Variants in LDLRAD3 observed in about 807,000 individuals in gnomAD.
LDLRAD3 encodes low-density lipoprotein receptor class A domain-containing protein 3.
Under a neutral mutation model 29.4 loss-of-function variants are expected in LDLRAD3, and 20 were observed. That is an observed-to-expected ratio of 0.68 (90% CI 0.48 to 0.99). The LOEUF (loss-of-function observed/expected upper bound fraction) is 0.99. Among genes scored for constraint, LDLRAD3 ranks in the 50% least tolerant of loss-of-function variants. The pLI is 0.00. For missense variants in LDLRAD3, 420 were observed against 454.3 expected, an observed-to-expected ratio of 0.92 and a Z score of 0.69; for synonymous variants, 157 against 192.7, an observed-to-expected ratio of 0.81 and a Z score of 1.53.
chr11:36,117,809 T>C (rs1257936018), intron 4 of LDLRAD3, among the ~76,000 whole-genome samples: 1 of 152,202 alleles, frequency 6.6e-6, no homozygotes, highest in East Asian at 1.9e-4. Flanking sequence ...GCTCCTAATA[T>C]GGTGGTAAAA....
At chr11:36,044,342 A>G (rs1202261233) in intron 2 of LDLRAD3, among the ~76,000 whole-genome samples, 2 of 152,152 alleles carry the variant, frequency 1.3e-5, no homozygotes, top group Non-Finnish European at 2.9e-5. Context: ...AGAGAAGGTG[A>G]AGATCAGCTC....
chr11:36,229,447 C>A lies in LDLRAD3; in HGVS notation c.*50C>A. 1 of 1,329,200 alleles carries A rather than the reference C, an allele frequency of 7.5e-7. No individual in the cohort carries two copies. The allele number at this position is 1,329,200 out of a possible 1,614,324, so 82.3% of individuals were successfully genotyped here. ...TGGGTTAATCTGCTCTGACTTGTTG[C>A]CATTCTAACAATTTGTGCTCATGGG... On this transcript the variant is annotated 3_prime_UTR_variant, in exon 6 of 6. Transcript: ENST00000315571.
intron 1 of LDLRAD3, among the ~76,000 whole-genome samples, chr11:35,953,959 A>G (rs990574533): frequency 2.0e-5 from 3 of 152,246 alleles, no homozygotes; most frequent in African/African-American, 7.2e-5. Context: ...GATGCTTACT[A>G]CTGTAAAAGA....
intron 1 of LDLRAD3, among the ~76,000 whole-genome samples, chr11:35,999,411 C>T (rs991168662): frequency 6.6e-6 from 1 of 152,154 alleles, no homozygotes; most frequent in Non-Finnish European, 1.5e-5. Context: ...GGAGAAACGG[C>T]GTTTAAAGCA....
intron 3 of LDLRAD3, among the ~76,000 whole-genome samples, chr11:36,091,565 C>A (rs897566326): frequency 6.6e-6 from 1 of 150,872 alleles, no homozygotes; most frequent in Non-Finnish European, 1.5e-5. Context: ...AGCTTTAGAA[C>A]CCTGTGTTTT....
intron 4 of LDLRAD3, among the ~76,000 whole-genome samples, chr11:36,204,734 C>T (rs907174891): frequency 6.6e-6 from 1 of 152,220 alleles, no homozygotes; most frequent in Non-Finnish European, 1.5e-5. Flanking sequence ...GGTAATCCAC[C>T]TGCCTCGGCT....
intron 4 of LDLRAD3, among the ~76,000 whole-genome samples, chr11:36,150,215 T>C (rs1854258126): frequency 6.6e-6 from 1 of 152,134 alleles, no homozygotes; most frequent in South Asian, 2.1e-4. Context: ...AAATGAGGCA[T>C]GAATATTACT....
At chr11:35,984,010 T>C (rs534050213) in intron 1 of LDLRAD3, among the ~76,000 whole-genome samples, 2 of 152,292 alleles carry the variant, frequency 1.3e-5, no homozygotes, top group African/African-American at 4.8e-5. Flanking sequence ...TTGCTAATGA[T>C]GAAGGATTTT....
chr11:36,022,409 C>T (rs1204298727), intron 1 of LDLRAD3, among the ~76,000 whole-genome samples: 2 of 151,898 alleles, frequency 1.3e-5, no homozygotes, highest in Non-Finnish European at 2.9e-5. Flanking sequence ...AATTCAGAAG[C>T]TTCTACTGAA....
chr11:36,148,497 G>A lies in LDLRAD3; in HGVS notation c.454+50036G>A, dbSNP rs141680756. 7.0e-4 allele frequency among the ~76,000 whole-genome samples: 107 copies of A among 152,240 alleles called. 1 individual carries two copies. The South Asian group carries it at 7.9e-3, about 11-fold the overall frequency. ...GATTTTTCTCTCACTGCCTGCTTTT[G>A]GAAAAATCTTCTGACAGTTATATTT... On this transcript the variant is annotated intron_variant, in intron 4 of 5. Coordinates refer to ENST00000315571, the MANE Select transcript of LDLRAD3 (RefSeq NM_174902.4).
chr11:35,982,893 G>T (rs958473655), intron 1 of LDLRAD3, among the ~76,000 whole-genome samples: 1 of 127,106 alleles, frequency 7.9e-6, no homozygotes, highest in Non-Finnish European at 1.5e-5. Context: ...TTGCTCTGTC[G>T]TCCAAGCTGC....
intron 4 of LDLRAD3, among the ~76,000 whole-genome samples, chr11:36,104,752 G>A (rs535199112): frequency 1.3e-5 from 2 of 152,278 alleles, no homozygotes; most frequent in East Asian, 3.9e-4. Context: ...CGCACAGGGA[G>A]CAGGTGGTGG....
chr11:36,089,542 C>G (rs1348144513), intron 3 of LDLRAD3, among the ~76,000 whole-genome samples: 1 of 151,940 alleles, frequency 6.6e-6, no homozygotes, highest in African/African-American at 2.4e-5. Context: ...ATTTTCCTGT[C>G]TCAGACTCCC....
At chr11:35,946,328 GA>G (rs1359554711) in intron 1 of LDLRAD3, among the ~76,000 whole-genome samples, 1 of 151,918 alleles carries the variant, frequency 6.6e-6, no homozygotes, top group Non-Finnish European at 1.5e-5. Context: ...GATAGTCTGT[GA>G]AAGAATCCCA....
At chr11:36,002,742 C>G (rs1851839899) in intron 1 of LDLRAD3, among the ~76,000 whole-genome samples, 3 of 152,170 alleles carry the variant, frequency 2.0e-5, no homozygotes. Context: ...ATGATTTTAG[C>G]CTGGCTTGCT....
intron 4 of LDLRAD3, among the ~76,000 whole-genome samples, chr11:36,142,259 A>T (rs1189686021): frequency 1.3e-5 from 2 of 152,202 alleles, no homozygotes; most frequent in African/African-American, 2.4e-5. Context: ...GAAAGGGTAG[A>T]CTGCAGTCTC....
chr11:35,977,745 G>A (rs761630094), intron 1 of LDLRAD3, among the ~76,000 whole-genome samples: 7 of 152,132 alleles, frequency 4.6e-5, no homozygotes, highest in South Asian at 2.1e-4. Flanking sequence ...AGCAGATTCC[G>A]TGTCTGGTGA....
At chr11:36,019,499 C>T (rs1310392552) in intron 1 of LDLRAD3, among the ~76,000 whole-genome samples, 1 of 152,166 alleles carries the variant, frequency 6.6e-6, no homozygotes, top group Non-Finnish European at 1.5e-5. Flanking sequence ...AACCTGGCCT[C>T]ATTGTTCATA....
intron 1 of LDLRAD3, among the ~76,000 whole-genome samples, chr11:36,014,701 G>C (rs971716805): frequency 1.3e-5 from 2 of 152,208 alleles, no homozygotes; most frequent in Non-Finnish European, 2.9e-5. Context: ...TATTACGGCA[G>C]AAAAGAGGAA....
Sources: gnomAD v4.1 joint callset for allele counts (sites outside exome capture counted in the v4.1 genomes callset) on GRCh38, gnomAD v4.1.1 for gene constraint, MANE v1.5 for transcripts, NCBI Gene and HGNC (gene_info 2026-07-23, HGNC 2026-07-21) for gene names.